Variants in CDH20 observed in about 807,000 individuals in gnomAD.
CDH20 encodes the protein cadherin-20.
In CDH20, 29 loss-of-function variants were observed where a neutral mutation model predicts 74.2. That is an observed-to-expected ratio of 0.39 (90% confidence interval 0.29 to 0.53). CDH20 has a LOEUF of 0.53. Among genes scored for constraint, CDH20 ranks in the 20% least tolerant of loss-of-function variants. The pLI, the probability that CDH20 is intolerant of heterozygous loss-of-function variation, is 0.69. For synonymous variants in CDH20, 469 were observed against 405.4 expected (o/e 1.16, Z -1.88); for missense variants, 988 against 1,048.3 (o/e 0.94, Z 0.79).
chr18:61,537,604 G>A (rs911737018), intron 8 of CDH20, among the ~76,000 whole-genome samples: 1 of 152,076 alleles, frequency 6.6e-6, no homozygotes, highest in Non-Finnish European at 1.5e-5. Flanking sequence ...GTGTCAGGGG[G>A]AGGGTGTATA....
chr18:61,383,628 G>A (rs1911506907), intron 1 of CDH20, among the ~76,000 whole-genome samples: 1 of 152,060 alleles, frequency 6.6e-6, no homozygotes, highest in African/African-American at 2.4e-5. Flanking sequence ...GTCTGGTGCT[G>A]AAGACAGAAA....
In CDH20 at chr18:61,555,275, G is replaced by T; in HGVS notation, c.*580G>T. ...TTAAGACTGAATCAGCCTTGCATGG[G>T]GGTGGATGGGTGGGAGGGTGGGTGA... On this transcript the variant is annotated 3_prime_UTR_variant, in exon 12 of 12. Transcript: ENST00000262717. The T allele has an allele frequency of 1.0e-6, 1 of 984,596 alleles. No homozygotes were observed. Among genetic ancestry groups the T allele is most frequent in the Non-Finnish European group, 1.2e-6 (1 of 829,586 alleles). The allele number at this position is 984,596 out of a possible 1,614,324, so 61.0% of individuals were successfully genotyped here.
intron 1 of CDH20, among the ~76,000 whole-genome samples, chr18:61,381,442 G>T (rs1911429168): frequency 6.6e-6 from 1 of 152,090 alleles, no homozygotes; most frequent in African/African-American, 2.4e-5. Context: ...TTTATTTGTA[G>T]TTCTTACAAA....
At position 61,554,226 on chromosome 18, in the gene CDH20, G is replaced by A. The variant is rs762845720; in HGVS notation, c.1937G>A (p.Arg646Gln). The change falls in exon 12 of 12, where the codon CGG becomes CAG. Residue 646 changes from arginine (R) to glutamine (Q), a missense_variant. Transcript: ENST00000262717. ...CTCATTTTGTCCATGAGGCGGCACC[G>A]GAAACAACCATACATCATCGACGAC... ...VLLILSMRRH[R>Q]KQPYIIDDEE... 1.4e-5 allele frequency: 23 copies of A among 1,613,312 alleles called. No individual in the cohort carries two copies. The highest frequency in any genetic ancestry group is 1.9e-5 in the Non-Finnish European group (22 of 1,179,470).
intron 1 of CDH20, among the ~76,000 whole-genome samples, chr18:61,391,927 C>T (rs1444506822): frequency 6.6e-6 from 1 of 152,138 alleles, no homozygotes; most frequent in Non-Finnish European, 1.5e-5. Flanking sequence ...TCCTTCATTA[C>T]TCTGCAACAT....
chr18:61,383,856 T>C (rs1054066903), intron 1 of CDH20, among the ~76,000 whole-genome samples: 1 of 152,162 alleles, frequency 6.6e-6, no homozygotes, highest in Non-Finnish European at 1.5e-5. Context: ...TCAGTGGAAG[T>C]TTCTAGGATG....
At chr18:61,439,629 T>C (rs1017776804) in intron 1 of CDH20, among the ~76,000 whole-genome samples, 7 of 152,188 alleles carry the variant, frequency 4.6e-5, no homozygotes, top group Admixed American at 4.6e-4. Context: ...TAAAAATCAT[T>C]TTATAATTAG....
At chr18:61,472,922 CTG>C (rs1287432113) in intron 1 of CDH20, among the ~76,000 whole-genome samples, 1 of 152,206 alleles carries the variant, frequency 6.6e-6, no homozygotes, top group Non-Finnish European at 1.5e-5. Context: ...GTGCTTATGT[CTG>C]TGAGTAGATT....
intron 1 of CDH20, among the ~76,000 whole-genome samples, chr18:61,456,882 T>G (rs956387661): frequency 3.3e-5 from 5 of 152,138 alleles, no homozygotes; most frequent in African/African-American, 1.2e-4. Context: ...CTCAAATGGT[T>G]GAGACAGAAA....
At chr18:61,380,348 A>G (rs1413183279) in intron 1 of CDH20, among the ~76,000 whole-genome samples, 1 of 152,200 alleles carries the variant, frequency 6.6e-6, no homozygotes, top group Non-Finnish European at 1.5e-5. Context: ...AACCGCACAT[A>G]TATATTATAA....
intron 5 of CDH20, among the ~76,000 whole-genome samples, chr18:61,505,991 T>C (rs572198883): frequency 3.3e-5 from 5 of 152,336 alleles, no homozygotes; most frequent in Admixed American, 3.3e-4. Context: ...CCATTTTGCT[T>C]CTTTTTCACA....
intron 1 of CDH20, among the ~76,000 whole-genome samples, chr18:61,472,657 A>G (rs1490642703): frequency 2.0e-5 from 3 of 152,242 alleles, no homozygotes; most frequent in Non-Finnish European, 4.4e-5. Flanking sequence ...GTCTTGGGAA[A>G]TGAATGTGTC....
At chr18:61,473,743 C>T (rs755785831) in intron 1 of CDH20, among the ~76,000 whole-genome samples, 9 of 152,100 alleles carry the variant, frequency 5.9e-5, no homozygotes, top group Non-Finnish European at 8.8e-5. Flanking sequence ...CTTGTAATTC[C>T]CAAATAACAA....
intron 1 of CDH20, among the ~76,000 whole-genome samples, chr18:61,421,096 C>G (rs1912861390): frequency 6.6e-6 from 1 of 152,112 alleles, no homozygotes; most frequent in Non-Finnish European, 1.5e-5. Flanking sequence ...CTATAAAGAA[C>G]AAAGGGAGAG....
chr18:61,405,834 A>C (rs547240747), intron 1 of CDH20, among the ~76,000 whole-genome samples: 3 of 152,316 alleles, frequency 2.0e-5, no homozygotes, highest in Admixed American at 6.5e-5. Flanking sequence ...CCACATGCTT[A>C]AGGTTGAGAA....
chr18:61,374,112 G>A (rs1911130885), intron 1 of CDH20, among the ~76,000 whole-genome samples: 2 of 152,070 alleles, frequency 1.3e-5, no homozygotes, highest in African/African-American at 4.8e-5. Flanking sequence ...AATTCAGAGT[G>A]TGTGTATATT....
intron 1 of CDH20, among the ~76,000 whole-genome samples, chr18:61,442,913 G>A (rs1909078827): frequency 6.7e-6 from 1 of 149,648 alleles, no homozygotes; most frequent in Non-Finnish European, 1.5e-5. Flanking sequence ...CCGGGATCCT[G>A]AAAAAAAAAA....
intron 6 of CDH20, among the ~76,000 whole-genome samples, chr18:61,525,614 G>A (rs1912369017): frequency 6.6e-6 from 1 of 152,084 alleles, no homozygotes; most frequent in Admixed American, 6.6e-5. Flanking sequence ...GGGCTTCTTG[G>A]TTTGGATGGA....
intron 6 of CDH20, among the ~76,000 whole-genome samples, chr18:61,527,302 T>C (rs1258596367): frequency 1.4e-5 from 2 of 140,104 alleles, no homozygotes; most frequent in African/African-American, 5.4e-5. Flanking sequence ...ATATTGCCTT[T>C]GTACTCAAGA....
Sources: allele counts gnomAD v4.1 joint callset (sites outside exome capture counted in the v4.1 genomes callset), GRCh38; gene constraint gnomAD v4.1.1; transcripts MANE v1.5; gene names NCBI Gene and HGNC (gene_info 2026-07-23, HGNC 2026-07-21).